MARCHF1: variants seen among roughly 807,000 people sequenced by gnomAD.
The protein encoded by MARCHF1 is membrane associated ring-CH-type finger 1, also known as E3 ubiquitin-protein ligase MARCHF1.
In MARCHF1, 40 loss-of-function variants were observed where a neutral mutation model predicts 54.2. The ratio of observed to expected loss-of-function variants is 0.74; its 90% CI spans 0.57 to 0.96. The LOEUF (loss-of-function observed/expected upper bound fraction) is 0.96, where lower values mean the gene tolerates loss of function less well. MARCHF1 is among the 40% of genes least tolerant of loss of function. The pLI is 0.00. For synonymous variants in MARCHF1, 236 were observed against 236.3 expected, an observed-to-expected ratio of 1.00 and a Z score of 0.01; for missense variants, 586 against 656.5, an observed-to-expected ratio of 0.89 and a Z score of 1.17.
intron 1 of MARCHF1, among the ~76,000 whole-genome samples, chr4:164,310,276 C>T (rs1013963070): frequency 2.0e-5 from 3 of 151,914 alleles, no homozygotes; most frequent in African/African-American, 4.8e-5. Context: ...CAGGGTTTCA[C>T]CATGTTGGCC....
intron 1 of MARCHF1, among the ~76,000 whole-genome samples, chr4:164,148,332 C>T (rs1729829298): frequency 6.6e-6 from 1 of 152,058 alleles, no homozygotes; most frequent in Admixed American, 6.6e-5. Context: ...CAAATGACAG[C>T]AGATAATTCA....
At chr4:163,837,546 A>C (rs1327342881) in intron 4 of MARCHF1, among the ~76,000 whole-genome samples, 1 of 152,176 alleles carries the variant, frequency 6.6e-6, no homozygotes, top group East Asian at 1.9e-4. Flanking sequence ...AACTATATCA[A>C]GGTAGACTTT....
chr4:163,728,611 T>C (rs1483856375), intron 4 of MARCHF1, among the ~76,000 whole-genome samples: 1 of 152,214 alleles, frequency 6.6e-6, no homozygotes, highest in Non-Finnish European at 1.5e-5. Flanking sequence ...TCATTATTGG[T>C]ATAGAGGAAA....
At chr4:164,121,167 AT>A (rs1372486133) in intron 1 of MARCHF1, among the ~76,000 whole-genome samples, 1 of 152,158 alleles carries the variant, frequency 6.6e-6, no homozygotes, top group African/African-American at 2.4e-5. Context: ...AGCTGAAAGG[AT>A]CGTTTGTGGC....
At chr4:163,865,678 A>C (rs1021364156) in intron 3 of MARCHF1, among the ~76,000 whole-genome samples, 1 of 151,698 alleles carries the variant, frequency 6.6e-6, no homozygotes, top group Non-Finnish European at 1.5e-5. Context: ...ATTTAATATA[A>C]ATATTTTACA....
intron 2 of MARCHF1, among the ~76,000 whole-genome samples, chr4:164,017,635 A>C (rs1753571250): frequency 6.6e-6 from 1 of 151,960 alleles, no homozygotes; most frequent in South Asian, 2.1e-4. Flanking sequence ...TGAAAACTAC[A>C]AAATGCTGCT....
intron 4 of MARCHF1, among the ~76,000 whole-genome samples, chr4:163,765,940 A>G (rs1269422225): frequency 6.8e-6 from 1 of 147,906 alleles, no homozygotes. Context: ...ACATATAAAT[A>G]TATATAATAT....
At chr4:164,193,113 T>C in intron 1 of MARCHF1, among the ~76,000 whole-genome samples, 1 of 152,168 alleles carries the variant, frequency 6.6e-6, no homozygotes, top group Admixed American at 6.5e-5. Flanking sequence ...GCAGCTTATT[T>C]GACCTCTGAA....
chr4:163,572,763 C>T (rs1176834088), intron 8 of MARCHF1, among the ~76,000 whole-genome samples: 2 of 151,994 alleles, frequency 1.3e-5, no homozygotes, highest in South Asian at 2.1e-4. Context: ...ACAAAGCTAG[C>T]CCATTACTCA....
chr4:163,763,003 C>T (rs1350459616), intron 4 of MARCHF1, among the ~76,000 whole-genome samples: 3 of 152,076 alleles, frequency 2.0e-5, no homozygotes, highest in Admixed American at 2.0e-4. Context: ...CACTGGAATC[C>T]TCAATGTGCT....
At chr4:164,368,278 A>C (rs1730937677) in intron 1 of MARCHF1, among the ~76,000 whole-genome samples, 1 of 151,320 alleles carries the variant, frequency 6.6e-6, no homozygotes, top group Non-Finnish European at 1.5e-5. Flanking sequence ...ATAAAGATAT[A>C]TTATGTTGAA....
intron 1 of MARCHF1, among the ~76,000 whole-genome samples, chr4:164,114,047 C>A (rs536099794): frequency 6.6e-6 from 1 of 151,958 alleles, no homozygotes; most frequent in Non-Finnish European, 1.5e-5. Flanking sequence ...AAAGGAGGGA[C>A]AAGTTGGTAA....
intron 2 of MARCHF1, among the ~76,000 whole-genome samples, chr4:164,109,263 C>G (rs988123886): frequency 1.3e-5 from 2 of 151,904 alleles, no homozygotes; most frequent in Non-Finnish European, 2.9e-5. Context: ...ACTTTCATCC[C>G]CCAGACAGTC....
chr4:163,868,811 G>T (rs940806847), intron 3 of MARCHF1, among the ~76,000 whole-genome samples: 2 of 151,930 alleles, frequency 1.3e-5, no homozygotes, highest in Non-Finnish European at 2.9e-5. Context: ...AAGAGACTTT[G>T]CTGGACATTA....
rs1173614623 is a variant in MARCHF1, at chr4:163,594,786, A to ACACACACACACC, written c.1011-8858_1011-8857insGGTGTGTGTGTG. Among the ~76,000 whole-genome samples the ACACACACACACC allele has an allele frequency of 2.8e-3, 426 of 151,560 alleles. 3 individuals carry two copies. Among genetic ancestry groups the ACACACACACACC allele is most frequent in the African/African-American group, 9.9e-3 (410 of 41,230 alleles). Reference sequence around the variant, plus strand: ...CACACACACACACACACACACACACACCCAAACCCAAACAAGATAAATGCT... The same window carrying ACACACACACACC: ...CACACACACACACACACACACACACACACACACACACCCCCAAACCCAAACAAGATAAATGCT... On this transcript the variant is annotated intron_variant, in intron 7 of 9. Transcript: ENST00000514618.
intron 5 of MARCHF1, among the ~76,000 whole-genome samples, chr4:163,628,976 C>T (rs543273215): frequency 5.9e-5 from 9 of 152,198 alleles, no homozygotes; most frequent in African/African-American, 1.4e-4. Flanking sequence ...CCATACTGCC[C>T]AAAGTAATTT....
chr4:164,165,224 C>T (rs188650495), intron 1 of MARCHF1, among the ~76,000 whole-genome samples: 48 of 151,910 alleles, frequency 3.2e-4, no homozygotes, highest in African/African-American at 1.1e-3. Flanking sequence ...AGTTGAAGTC[C>T]CAACCCCCAA....
At chr4:163,533,232 A>C (rs1177033470) in intron 9 of MARCHF1, among the ~76,000 whole-genome samples, 2 of 152,026 alleles carry the variant, frequency 1.3e-5, no homozygotes, top group Non-Finnish European at 2.9e-5. Context: ...GTATATTGCT[A>C]AATAAAAGAG....
chr4:164,088,462 G>C (rs1755234720), intron 2 of MARCHF1, among the ~76,000 whole-genome samples: 1 of 152,310 alleles, frequency 6.6e-6, no homozygotes, highest in Admixed American at 6.5e-5. Context: ...CAATGGCCAG[G>C]TGTGGCAGCT....
Sources: allele counts gnomAD v4.1 joint callset (sites outside exome capture counted in the v4.1 genomes callset), GRCh38; gene constraint gnomAD v4.1.1; transcripts MANE v1.5; gene names NCBI Gene and HGNC (gene_info 2026-07-23, HGNC 2026-07-21).